The following PCDH9 variants were observed in gnomAD, a reference collection of about 807,000 sequenced individuals.
The protein encoded by PCDH9 is protocadherin-9.
PCDH9 carries 24 observed loss-of-function variants against 70.6 expected under a neutral mutation model. That is an observed-to-expected ratio of 0.34 (90% confidence interval 0.25 to 0.48). PCDH9 has a LOEUF of 0.48. PCDH9 is among the 20% of genes least tolerant of loss of function. PCDH9 has a pLI of 0.99. For synonymous variants in PCDH9, 562 were observed against 558.5 expected (o/e 1.01, Z -0.09); for missense variants, 1,281 against 1,503.6 (o/e 0.85, Z 2.45).
intron 3 of PCDH9, among the ~76,000 whole-genome samples, chr13:66,814,716 T>C (rs1039469793): frequency 2.6e-5 from 4 of 152,082 alleles, no homozygotes; most frequent in African/African-American, 7.2e-5. Context: ...TATGCAAAGA[T>C]TGAAACTGGA....
intron 3 of PCDH9, among the ~76,000 whole-genome samples, chr13:66,726,956 GT>G (rs1045805052): frequency 4.0e-4 from 61 of 152,216 alleles, no homozygotes; most frequent in African/African-American, 1.3e-3. Flanking sequence ...TATTTGGATT[GT>G]TTTAAAAAAT....
At chr13:67,093,671 T>A (rs2086263850) in intron 2 of PCDH9, among the ~76,000 whole-genome samples, 1 of 152,178 alleles carries the variant, frequency 6.6e-6, no homozygotes, top group Admixed American at 6.5e-5. Context: ...GGATTCTGGC[T>A]ACTAAAGTCA....
intron 3 of PCDH9, among the ~76,000 whole-genome samples, chr13:66,647,933 C>T (rs1374284485): frequency 2.6e-5 from 4 of 152,008 alleles, no homozygotes; most frequent in Non-Finnish European, 5.9e-5. Context: ...CTGCTGTGGG[C>T]CTGGGGAAGA....
At chr13:66,519,252 A>T (rs953313595) in intron 4 of PCDH9, among the ~76,000 whole-genome samples, 15 of 151,924 alleles carry the variant, frequency 9.9e-5, no homozygotes, top group Non-Finnish European at 1.8e-4. Flanking sequence ...AAAATCCTTT[A>T]AAAAAAACCA....
Position 67,229,958 on chromosome 13 carries a change from A to C in PCDH9, c.-314T>G, listed in dbSNP as rs2089970151. ...TGGCAAATTAGCAACTCCAGAGAAC[A>C]AATTCACGGATTTGTCGTTAGTCAT... is the stretch of plus-strand genomic sequence containing the variant. On this transcript the variant is annotated 5_prime_UTR_variant, in exon 1 of 5. Coordinates refer to ENST00000377865, the MANE Select transcript of PCDH9 (RefSeq NM_203487.3). 1 of 152,210 alleles carries C rather than the reference A, an allele frequency of 6.6e-6. No homozygotes were observed. The highest frequency in any genetic ancestry group is 2.1e-4 in the South Asian group (1 of 4,832). 9.4% of individuals were successfully genotyped at this position (152,210 alleles called of 1,614,324 possible). A position where few individuals can be genotyped will look rare whatever the true frequency, so the allele number is the denominator to read the frequency against.
chr13:66,511,885 T>C (rs917381199), intron 4 of PCDH9, among the ~76,000 whole-genome samples: 16 of 152,026 alleles, frequency 1.1e-4, no homozygotes, highest in Admixed American at 2.0e-4. Flanking sequence ...TGTGGAACTG[T>C]CAGCCAATTA....
At chr13:66,801,941 T>C (rs1052264605) in intron 3 of PCDH9, among the ~76,000 whole-genome samples, 1 of 152,184 alleles carries the variant, frequency 6.6e-6, no homozygotes, top group Non-Finnish European at 1.5e-5. Context: ...GAAATGTATA[T>C]ATTAATGTGT....
intron 2 of PCDH9, among the ~76,000 whole-genome samples, chr13:66,930,207 C>T (rs576476590): frequency 6.6e-6 from 1 of 152,248 alleles, no homozygotes; most frequent in African/African-American, 2.4e-5. Context: ...TCCAAGATGA[C>T]AGTCATTCAA....
chr13:66,715,515 G>C (rs1302257793), intron 3 of PCDH9, among the ~76,000 whole-genome samples: 1 of 152,084 alleles, frequency 6.6e-6, no homozygotes, highest in Non-Finnish European at 1.5e-5. Flanking sequence ...TAGTATGCTT[G>C]AGCCGTATAC....
intron 2 of PCDH9, among the ~76,000 whole-genome samples, chr13:66,957,241 T>TA (rs2083278246): frequency 6.6e-6 from 1 of 152,248 alleles, no homozygotes; most frequent in Non-Finnish European, 1.5e-5. Context: ...CATGTGCTGA[T>TA]AAGCCACATA....
intron 3 of PCDH9, among the ~76,000 whole-genome samples, chr13:66,851,465 A>G (rs2081313065): frequency 6.6e-6 from 1 of 152,170 alleles, no homozygotes; most frequent in Admixed American, 6.5e-5. Flanking sequence ...CTAAAAATTT[A>G]AGAGTTAAAT....
chr13:66,331,859 TC>T lies in PCDH9; in HGVS notation c.3341-26832del, dbSNP rs534595445. ...TGAAGCACAATGTATTTATTTAACT[TC>T]TATGTTTATTTAGGAGATAGGCTAC... On this transcript the variant is annotated intron_variant, in intron 4 of 4. Transcript: ENST00000377865. Among the ~76,000 whole-genome samples, 3 of 152,276 alleles carry T rather than the reference TC, an allele frequency of 2.0e-5. No homozygotes were observed. The East Asian group carries it at 5.8e-4, about 29-fold the overall frequency.
At chr13:66,727,090 G>C (rs2079015014) in intron 3 of PCDH9, among the ~76,000 whole-genome samples, 1 of 152,058 alleles carries the variant, frequency 6.6e-6, no homozygotes, top group African/African-American at 2.4e-5. Context: ...AACATAGCTA[G>C]ATTCCATTTC....
rs760114561 is a variant in PCDH9, at chr13:66,631,200, G to A, written c.3340+10C>T. On this transcript the variant is annotated intron_variant, in intron 4 of 4. Coordinates refer to ENST00000377865, the MANE Select transcript of PCDH9 (RefSeq NM_203487.3). ...AACTCCAAGCAATCAAAATTTTGAA[G>A]GGGACTCACCAGAGTTGGGATCAGA... 2.0e-6 allele frequency: 3 copies of A among 1,466,642 alleles called. No homozygotes were observed. The South Asian group carries it at 3.4e-5, about 17-fold the overall frequency. 90.9% of individuals were successfully genotyped at this position (1,466,642 alleles called of 1,614,324 possible).
chr13:66,371,930 C>T (rs1266288044), intron 4 of PCDH9, among the ~76,000 whole-genome samples: 1 of 152,026 alleles, frequency 6.6e-6, no homozygotes, highest in African/African-American at 2.4e-5. Context: ...GATCTTCAGG[C>T]TCAACTACAA....
chr13:66,800,910 A>G (rs1190523101), intron 3 of PCDH9, among the ~76,000 whole-genome samples: 2 of 152,094 alleles, frequency 1.3e-5, no homozygotes, highest in East Asian at 3.9e-4. Flanking sequence ...AGCTAGAAAA[A>G]TGCTGGCACA....
intron 3 of PCDH9, among the ~76,000 whole-genome samples, chr13:66,717,589 T>C (rs924962815): frequency 6.7e-6 from 1 of 149,066 alleles, no homozygotes; most frequent in Non-Finnish European, 1.5e-5. Flanking sequence ...TTTTAGAAAC[T>C]CAGTGTATAT....
At chr13:67,082,113 T>C (rs1280309216) in intron 2 of PCDH9, among the ~76,000 whole-genome samples, 1 of 152,154 alleles carries the variant, frequency 6.6e-6, no homozygotes, top group Non-Finnish European at 1.5e-5. Context: ...GATAAGAACA[T>C]TTAAGATCTA....
intron 4 of PCDH9, among the ~76,000 whole-genome samples, chr13:66,359,885 A>G (rs1385681259): frequency 6.6e-6 from 1 of 152,126 alleles, no homozygotes; most frequent in Non-Finnish European, 1.5e-5. Context: ...CATTGTTAAA[A>G]GTATAAGTAT....
Sources: allele counts gnomAD v4.1 joint callset (sites outside exome capture counted in the v4.1 genomes callset), GRCh38; gene constraint gnomAD v4.1.1; transcripts MANE v1.5; gene names NCBI Gene and HGNC (gene_info 2026-07-23, HGNC 2026-07-21).